The following POU6F2 variants were observed in gnomAD, a reference collection of about 807,000 sequenced individuals.
POU6F2 encodes the protein POU class 6 homeobox 2.
Under a neutral mutation model 71.3 loss-of-function variants are expected in POU6F2, and 31 were observed. The ratio of observed to expected loss-of-function variants is 0.43; its 90% CI spans 0.33 to 0.59. The LOEUF is 0.59. Among genes scored for constraint, POU6F2 ranks in the 20% least tolerant of loss-of-function variants. POU6F2 has a pLI of 0.04. For synonymous variants in POU6F2, 347 were observed against 355.7 expected (o/e 0.98, Z 0.27); for missense variants, 783 against 856.8 (o/e 0.91, Z 1.07).
intron 2 of POU6F2, among the ~76,000 whole-genome samples, chr7:39,095,175 T>C (rs2128722539): frequency 6.6e-6 from 1 of 152,308 alleles, no homozygotes; most frequent in South Asian, 2.1e-4. Context: ...TATGTCACTG[T>C]TTTAAGTGTT....
At chr7:39,394,187 C>A (rs1411150304) in intron 5 of POU6F2, among the ~76,000 whole-genome samples, 2 of 152,200 alleles carry the variant, frequency 1.3e-5, no homozygotes, top group Non-Finnish European at 2.9e-5. Flanking sequence ...CACGTGCACC[C>A]AGCCATGGGG....
chr7:39,429,433 A>G (rs1788045133), intron 6 of POU6F2, among the ~76,000 whole-genome samples: 1 of 152,186 alleles, frequency 6.6e-6, no homozygotes, highest in Admixed American at 6.5e-5. Context: ...CTCAAAGAGT[A>G]CTTGCTAACT....
chr7:39,125,748 A>G (rs891624445), intron 2 of POU6F2, among the ~76,000 whole-genome samples: 1 of 152,208 alleles, frequency 6.6e-6, no homozygotes, highest in African/African-American at 2.4e-5. Flanking sequence ...ATTTGTTAAA[A>G]AAAAATATTG....
At position 39,019,476 on chromosome 7, in the gene POU6F2, T is replaced by TA. The variant is rs772862775; in HGVS notation, c.105+41419dup. On this transcript the variant is annotated intron_variant, in intron 1 of 9. Transcript: ENST00000518318. Reference sequence around the variant, plus strand: ...TATGGAATCTTTCAAAATGAAGACTTACAGTATTCCATTTGTAGGCTTGTT... The same window carrying TA: ...TATGGAATCTTTCAAAATGAAGACTTAACAGTATTCCATTTGTAGGCTTGTT... Among the ~76,000 whole-genome samples, 14 of 152,248 alleles carry TA rather than the reference T, an allele frequency of 9.2e-5. No individual in the cohort carries two copies. The South Asian group carries it at 1.7e-3, about 18-fold the overall frequency.
At chr7:39,022,166 A>G (rs562996447) in intron 1 of POU6F2, among the ~76,000 whole-genome samples, 2 of 151,772 alleles carry the variant, frequency 1.3e-5, no homozygotes, top group East Asian at 3.9e-4. Context: ...GATATTCACT[A>G]TTTGTTACTT....
intron 7 of POU6F2, among the ~76,000 whole-genome samples, chr7:39,446,992 CT>C (rs1353802162): frequency 1.3e-5 from 2 of 152,134 alleles, no homozygotes; most frequent in Non-Finnish European, 2.9e-5. Flanking sequence ...GGATACAATA[CT>C]GAGAAGAGTA....
chr7:39,204,841 GTTTT>G (rs1336521524), intron 3 of POU6F2, among the ~76,000 whole-genome samples: 1 of 148,642 alleles, frequency 6.7e-6, no homozygotes, highest in African/African-American at 2.5e-5. Flanking sequence ...TCCAATATTT[GTTTT>G]TTGCAGCCTG....
At position 39,466,097 on chromosome 7, in the gene POU6F2, TA is replaced by T. The variant is rs1362703249; in HGVS notation, c.*1413del. The T allele has an allele frequency of 2.0e-5, 3 of 152,192 alleles. No individual in the cohort carries two copies. The highest frequency in any genetic ancestry group is 7.2e-5 in the African/African-American group (3 of 41,444). 9.4% of individuals were successfully genotyped at this position (152,192 alleles called of 1,614,324 possible). ...GATGGCAGACTTTTTTCAGGGGGAA[TA>T]ATTACTCTTCGGGATATATAAATGG... On this transcript the variant is annotated 3_prime_UTR_variant, in exon 10 of 10. Transcript: ENST00000518318.
chr7:39,262,584 T>A (rs902050492), intron 4 of POU6F2, among the ~76,000 whole-genome samples: 17 of 152,212 alleles, frequency 1.1e-4, no homozygotes, highest in Admixed American at 6.5e-5. Context: ...TTTTTTAATA[T>A]TTAAGAAAAG....
At chr7:39,350,730 T>A (rs776451701) in intron 5 of POU6F2, among the ~76,000 whole-genome samples, 3 of 152,220 alleles carry the variant, frequency 2.0e-5, no homozygotes, top group Admixed American at 1.3e-4. Context: ...AGTGAAAAAG[T>A]GAGTATCTTC....
intron 4 of POU6F2, among the ~76,000 whole-genome samples, chr7:39,315,561 G>C (rs745961211): frequency 6.6e-6 from 1 of 152,134 alleles, no homozygotes; most frequent in East Asian, 1.9e-4. Flanking sequence ...TCCATCCTCC[G>C]GCAGGCAGCC....
At chr7:39,360,448 C>T (rs1215795236) in intron 5 of POU6F2, among the ~76,000 whole-genome samples, 1 of 152,158 alleles carries the variant, frequency 6.6e-6, no homozygotes, top group Non-Finnish European at 1.5e-5. Flanking sequence ...ACTTCAAGCA[C>T]ATGATTTAAA....
intron 2 of POU6F2, among the ~76,000 whole-genome samples, chr7:39,130,581 T>C (rs563249496): frequency 1.3e-5 from 2 of 152,310 alleles, no homozygotes; most frequent in East Asian, 1.9e-4. Context: ...CCTTCATAGA[T>C]TGTGTTTTTC....
chr7:38,995,446 A>G (rs912549949), intron 1 of POU6F2, among the ~76,000 whole-genome samples: 1 of 152,198 alleles, frequency 6.6e-6, no homozygotes, highest in Non-Finnish European at 1.5e-5. Context: ...CGTTGTGCAC[A>G]TGTACCCTAA....
At chr7:39,226,593 C>T (rs1794464447) in intron 4 of POU6F2, among the ~76,000 whole-genome samples, 1 of 152,180 alleles carries the variant, frequency 6.6e-6, no homozygotes, top group Non-Finnish European at 1.5e-5. Context: ...GTAAAGCTTT[C>T]ACTTTAAACC....
chr7:39,294,801 C>G (rs1784817932), intron 4 of POU6F2, among the ~76,000 whole-genome samples: 1 of 152,066 alleles, frequency 6.6e-6, no homozygotes, highest in Non-Finnish European at 1.5e-5. Flanking sequence ...GGTGGCTGGG[C>G]CATTCCACCT....
intron 1 of POU6F2, among the ~76,000 whole-genome samples, chr7:39,011,271 T>C (rs552222980): frequency 4.7e-5 from 7 of 149,528 alleles, no homozygotes; most frequent in Non-Finnish European, 1.0e-4. Flanking sequence ...CCCTTTACCA[T>C]TATGTAATGG....
intron 5 of POU6F2, among the ~76,000 whole-genome samples, chr7:39,382,091 A>G (rs1786840509): frequency 6.6e-6 from 1 of 152,148 alleles, no homozygotes; most frequent in Non-Finnish European, 1.5e-5. Context: ...AATCTTTGTC[A>G]AAATGTCATG....
Position 39,087,156 on chromosome 7 carries a change from A to AT in POU6F2, c.277+1127dup, listed in dbSNP as rs1562700938. Among the ~76,000 whole-genome samples, 549 of 97,052 alleles carry AT rather than the reference A, an allele frequency of 5.7e-3. 2 individuals carry two copies. Among genetic ancestry groups the AT allele is most frequent in the Non-Finnish European group, 8.5e-3 (402 of 47,414 alleles). 63.7% of individuals were successfully genotyped at this position (97,052 alleles called of 152,430 possible). A position where few individuals can be genotyped will look rare whatever the true frequency, so the allele number is the denominator to read the frequency against. The stretch of plus-strand genomic sequence containing the variant: ...AAACACAGGCTTTATTAATTAATTA[A>AT]TTAATTTATTTATTTATTTATTTAT... On this transcript the variant is annotated intron_variant, in intron 2 of 9. Transcript: ENST00000518318.
Sources: allele counts gnomAD v4.1 joint callset (sites outside exome capture counted in the v4.1 genomes callset), GRCh38; gene constraint gnomAD v4.1.1; transcripts MANE v1.5; gene names NCBI Gene and HGNC (gene_info 2026-07-23, HGNC 2026-07-21).